Variants in RGS6 observed in about 807,000 individuals in gnomAD.
RGS6 encodes regulator of G protein signaling 6, also known as regulator of G-protein signaling 6.
RGS6 carries 30 observed loss-of-function variants against 78.5 expected under a neutral mutation model. The ratio of observed to expected loss-of-function variants is 0.38; its 90% CI spans 0.29 to 0.52. The LOEUF is 0.52. Ranked by LOEUF, RGS6 falls within the 20% of genes least tolerant of loss-of-function variation. The probability of loss-of-function intolerance (pLI) is 0.85; values close to 1 mark genes in which losing one functional copy is unlikely to be tolerated. For missense variants in RGS6, 495 were observed against 609.7 expected, an observed-to-expected ratio of 0.81 and a Z score of 1.98; for synonymous variants, 206 against 206.0, an observed-to-expected ratio of 1.00 and a Z score of 0.00.
At chr14:72,517,554 G>A (rs1282851463) in intron 14 of RGS6, among the ~76,000 whole-genome samples, 1 of 152,230 alleles carries the variant, frequency 6.6e-6, no homozygotes, top group African/African-American at 2.4e-5. Flanking sequence ...CTTGCTCTCA[G>A]CAGAAGGAGA....
chr14:71,916,311 A>G, the RGS6 span, among the ~76,000 whole-genome samples: 1 of 152,222 alleles, frequency 6.6e-6, no homozygotes, highest in Non-Finnish European at 1.5e-5. Flanking sequence ...TCGGGCCACG[A>G]AATCTCTTTA....
chr14:71,904,492 G>A, the RGS6 span, among the ~76,000 whole-genome samples: 1 of 152,296 alleles, frequency 6.6e-6, no homozygotes, highest in African/African-American at 2.4e-5. Context: ...CAAGGGGAGA[G>A]CCTGTGGAAA....
chr14:72,431,934 G>A (rs778833272), intron 3 of RGS6, among the ~76,000 whole-genome samples: 1 of 152,078 alleles, frequency 6.6e-6, no homozygotes. Flanking sequence ...TTTGAATCTG[G>A]GGGTGAAGAG....
the RGS6 span, among the ~76,000 whole-genome samples, chr14:72,574,556 C>T: frequency 2.6e-5 from 4 of 152,172 alleles, no homozygotes; most frequent in Non-Finnish European, 5.9e-5. Context: ...AGATTGGCCA[C>T]GTGGCAGGTG....
chr14:72,380,089 A>G (rs1243669408), intron 3 of RGS6, among the ~76,000 whole-genome samples: 1 of 151,932 alleles, frequency 6.6e-6, no homozygotes, highest in Non-Finnish European at 1.5e-5. Context: ...ATCTTAAATA[A>G]ATGGTCCCCA....
At chr14:72,353,778 G>T (rs547864587) in intron 3 of RGS6, among the ~76,000 whole-genome samples, 17 of 151,806 alleles carry the variant, frequency 1.1e-4, no homozygotes, top group Non-Finnish European at 2.4e-4. Flanking sequence ...AGGTCAGGGG[G>T]TTGAGACCAC....
intron 2 of RGS6, among the ~76,000 whole-genome samples, chr14:72,323,729 G>C (rs182095444): frequency 5.9e-4 from 83 of 141,256 alleles, no homozygotes; most frequent in African/African-American, 2.0e-3. Flanking sequence ...TTGAACCTGG[G>C]AGGCGGAGGT....
intron 3 of RGS6, among the ~76,000 whole-genome samples, chr14:72,452,931 T>C (rs926340876): frequency 1.3e-5 from 2 of 152,136 alleles, no homozygotes; most frequent in Non-Finnish European, 2.9e-5. Flanking sequence ...AGGGAACTTA[T>C]TCAGAGGATT....
At chr14:72,295,273 A>C (rs2152359125) in intron 2 of RGS6, among the ~76,000 whole-genome samples, 1 of 149,664 alleles carries the variant, frequency 6.7e-6, no homozygotes, top group South Asian at 2.1e-4. Flanking sequence ...CCTGGGCGAC[A>C]GAGCGAGACT....
At chr14:72,412,341 T>TA (rs1366855413) in intron 3 of RGS6, among the ~76,000 whole-genome samples, 5 of 152,358 alleles carry the variant, frequency 3.3e-5, no homozygotes, top group African/African-American at 1.2e-4. Flanking sequence ...CTAGATTTTC[T>TA]ATTTATTTGC....
At chr14:72,314,066 A>G (rs949978202) in intron 2 of RGS6, among the ~76,000 whole-genome samples, 3 of 152,182 alleles carry the variant, frequency 2.0e-5, no homozygotes, top group Admixed American at 6.5e-5. Context: ...TGGGTATGCT[A>G]CTTCTTTCTT....
At chr14:72,555,814 C>T (rs1441216949) in intron 17 of RGS6, among the ~76,000 whole-genome samples, 1 of 152,228 alleles carries the variant, frequency 6.6e-6, no homozygotes, top group African/African-American at 2.4e-5. Context: ...TAAAATGCCT[C>T]GCATGCTTGA....
At chr14:71,885,421 C>G in the RGS6 span, among the ~76,000 whole-genome samples, 2 of 152,214 alleles carry the variant, frequency 1.3e-5, no homozygotes, top group African/African-American at 4.8e-5. Context: ...GTATTACAGC[C>G]CTCTCTGGAT....
At chr14:71,989,399 C>T (rs180928941) in intron 2 of RGS6, among the ~76,000 whole-genome samples, 18 of 152,344 alleles carry the variant, frequency 1.2e-4, no homozygotes, top group Admixed American at 1.1e-3. Context: ...ATCACAACCT[C>T]ATAGGCAAGA....
intron 2 of RGS6, among the ~76,000 whole-genome samples, chr14:72,193,826 C>T (rs923052494): frequency 1.3e-5 from 2 of 152,080 alleles, no homozygotes; most frequent in Non-Finnish European, 2.9e-5. Context: ...AGTGACTATC[C>T]ACAATCAGCC....
At chr14:72,395,609 T>A (rs539382997) in intron 3 of RGS6, among the ~76,000 whole-genome samples, 1 of 152,254 alleles carries the variant, frequency 6.6e-6, no homozygotes, top group South Asian at 2.1e-4. Flanking sequence ...TGTATACATG[T>A]GCCATGTTGG....
Position 72,361,825 on chromosome 14 carries a change from T to G in RGS6, c.184+9631T>G, listed in dbSNP as rs546793586. The stretch of plus-strand genomic sequence containing the variant: ...AGATGGTATGGGAGTCAAAGCTGAG[T>G]GTGTTTTAGAGAAGAGGGAGGGGAT... On this transcript the variant is annotated intron_variant, in intron 3 of 17. Coordinates refer to ENST00000553525, the MANE Select transcript of RGS6 (RefSeq NM_001204424.2). Among the ~76,000 whole-genome samples, 2 of 151,844 alleles carry G rather than the reference T, an allele frequency of 1.3e-5. 1 individual carries two copies. Among genetic ancestry groups the G allele is most frequent in the Non-Finnish European group, 2.9e-5 (2 of 67,972 alleles).
intron 2 of RGS6, among the ~76,000 whole-genome samples, chr14:72,000,222 GTAA>G (rs2083178454): frequency 6.6e-6 from 1 of 152,204 alleles, no homozygotes; most frequent in Non-Finnish European, 1.5e-5. Context: ...GGCGGTTGTT[GTAA>G]TATCTTTACA....
At chr14:72,557,445 C>T (rs2097596757) in intron 17 of RGS6, among the ~76,000 whole-genome samples, 1 of 152,174 alleles carries the variant, frequency 6.6e-6, no homozygotes, top group Non-Finnish European at 1.5e-5. Context: ...CCGGGAGTCA[C>T]CCGATGAAGT....
Sources: allele counts gnomAD v4.1 joint callset (sites outside exome capture counted in the v4.1 genomes callset), GRCh38; gene constraint gnomAD v4.1.1; transcripts MANE v1.5; gene names NCBI Gene and HGNC (gene_info 2026-07-23, HGNC 2026-07-21).